BIRC6: variants seen among roughly 807,000 people sequenced by gnomAD.
The protein encoded by BIRC6 is dual E2 ubiquitin-conjugating enzyme/E3 ubiquitin-protein ligase BIRC6.
A neutral mutation model predicts 503.3 loss-of-function variants in BIRC6; 98 were observed. That is an observed-to-expected ratio of 0.19 (90% CI 0.17 to 0.23). The LOEUF is 0.23. BIRC6 is among the 10% of genes least tolerant of loss of function. The pLI is 1.00. For synonymous variants in BIRC6, 2,240 were observed against 2,078.7 expected, an observed-to-expected ratio of 1.08 and a Z score of -2.11; for missense variants, 5,360 against 5,806.0, an observed-to-expected ratio of 0.92 and a Z score of 2.50.
chr2:32,584,929 C>T (rs1288344601), intron 66 of BIRC6, among the ~76,000 whole-genome samples: 1 of 152,176 alleles, frequency 6.6e-6, no homozygotes, highest in East Asian at 1.9e-4. Flanking sequence ...AATATTCAAT[C>T]GCTTTGTGAT....
chr2:32,502,778 C>G lies in BIRC6; in HGVS notation c.9208-17C>G. 6.4e-7 allele frequency: 1 copy of G among 1,569,094 alleles called. No homozygotes were observed. The highest frequency in any genetic ancestry group is 8.7e-7 in the Non-Finnish European group (1 of 1,144,364). On this transcript the variant is annotated splice_polypyrimidine_tract_variant and intron_variant, in intron 47 of 73. Coordinates refer to ENST00000421745, the MANE Select transcript of BIRC6 (RefSeq NM_016252.4). ...CAGGAATATATAAAGTCATAATATGCATATTTCATTTTTTAGGGCTCTCTT... is the reference window on the plus strand; with the variant it reads ...CAGGAATATATAAAGTCATAATATGGATATTTCATTTTTTAGGGCTCTCTT...
intron 3 of BIRC6, among the ~76,000 whole-genome samples, chr2:32,381,795 C>T (rs966578624): frequency 2.6e-5 from 4 of 152,034 alleles, no homozygotes; most frequent in African/African-American, 4.8e-5. Flanking sequence ...TCACCCATCT[C>T]GGCCTCCCAA....
chr2:32,599,406 T>C (rs2061898828), intron 69 of BIRC6, among the ~76,000 whole-genome samples: 1 of 151,618 alleles, frequency 6.6e-6, no homozygotes, highest in African/African-American at 2.4e-5. Context: ...TAGGGAGGCC[T>C]ATGCAAGCGG....
At chr2:32,576,269 GCT>G (rs1442685881) in intron 66 of BIRC6, among the ~76,000 whole-genome samples, 1 of 152,160 alleles carries the variant, frequency 6.6e-6, no homozygotes, top group Non-Finnish European at 1.5e-5. Flanking sequence ...AAGTCTTAAT[GCT>G]TATCTTTAAG....
Position 32,531,586 on chromosome 2 carries a change from C to T in BIRC6, c.12291+35C>T, listed in dbSNP as rs2056757691. 2.6e-6 allele frequency: 4 copies of T among 1,509,816 alleles called. No individual in the cohort carries two copies. In the East Asian group the frequency reaches 9.2e-5, roughly 35 times the overall value. The allele number at this position is 1,509,816 out of a possible 1,614,324, so 93.5% of individuals were successfully genotyped here. A position where few individuals can be genotyped will look rare whatever the true frequency, so the allele number is the denominator to read the frequency against. On this transcript the variant is annotated intron_variant, in intron 61 of 73. Coordinates refer to ENST00000421745, the MANE Select transcript of BIRC6 (RefSeq NM_016252.4). ...GATTTCCTAATCGAGTATATCATTC[C>T]ATAGCTAAGCCCTTCATTCTTTTTA...
intron 1 of BIRC6, among the ~76,000 whole-genome samples, chr2:32,374,604 C>G (rs2036465449): frequency 6.6e-6 from 1 of 151,868 alleles, no homozygotes; most frequent in South Asian, 2.1e-4. Context: ...TCCCGAGTAG[C>G]TGGGACTACA....
At chr2:32,374,496 G>A (rs984572708) in intron 1 of BIRC6, among the ~76,000 whole-genome samples, 6 of 146,776 alleles carry the variant, frequency 4.1e-5, no homozygotes, top group African/African-American at 1.3e-4. Flanking sequence ...TTTTTGTGAC[G>A]GAGTCTCACT....
At chr2:32,359,887 A>G (rs2033770979) in intron 1 of BIRC6, among the ~76,000 whole-genome samples, 2 of 152,134 alleles carry the variant, frequency 1.3e-5, no homozygotes, top group Non-Finnish European at 2.9e-5. Flanking sequence ...GTTATTAATA[A>G]TAATTATCAG....
At chr2:32,450,606 T>C (rs914660032) in intron 22 of BIRC6, among the ~76,000 whole-genome samples, 3 of 152,212 alleles carry the variant, frequency 2.0e-5, no homozygotes, top group East Asian at 3.9e-4. Context: ...ATGATACTTA[T>C]ATCTTTCTTA....
chr2:32,369,811 A>G (rs1380536575), intron 1 of BIRC6, among the ~76,000 whole-genome samples: 1 of 149,840 alleles, frequency 6.7e-6, no homozygotes, highest in Non-Finnish European at 1.5e-5. Flanking sequence ...AACTATAGCC[A>G]GTTTAGCCAG....
intron 1 of BIRC6, among the ~76,000 whole-genome samples, chr2:32,362,971 C>T (rs930830387): frequency 6.6e-6 from 1 of 152,152 alleles, no homozygotes; most frequent in Non-Finnish European, 1.5e-5. Context: ...AAAGTGTTTG[C>T]AGCAGTGTAC....
rs1408842663 is a variant in BIRC6, at chr2:32,390,068, C to G, written c.839+1125C>G. ...AGAGACAGTGTTTCTCTGTGTTGGT[C>G]AGGCTGGTGTCGAACTCCCTACCTC... On this transcript the variant is annotated intron_variant, in intron 4 of 73. Coordinates refer to ENST00000421745, the MANE Select transcript of BIRC6 (RefSeq NM_016252.4). Among the ~76,000 whole-genome samples the G allele has an allele frequency of 2.0e-5, 3 of 152,286 alleles. No individual in the cohort carries two copies. The East Asian group carries it at 5.8e-4, about 29-fold the overall frequency.
chr2:32,398,505 A>G (rs181347048), intron 6 of BIRC6, among the ~76,000 whole-genome samples: 41 of 152,322 alleles, frequency 2.7e-4, no homozygotes, highest in African/African-American at 7.9e-4. Context: ...AGTGACACCA[A>G]TTGTTTAACA....
intron 73 of BIRC6, among the ~76,000 whole-genome samples, chr2:32,612,628 G>A (rs1291972760): frequency 6.6e-6 from 1 of 152,262 alleles, no homozygotes; most frequent in Middle Eastern, 3.4e-3. Flanking sequence ...AAATATTTGT[G>A]AATGACAAAG....
intron 6 of BIRC6, among the ~76,000 whole-genome samples, chr2:32,397,610 ATGTGTG>A (rs1203763934): frequency 2.8e-4 from 36 of 127,138 alleles, no homozygotes; most frequent in Admixed American, 1.1e-3. Context: ...GTGTGTATAT[ATGTGTG>A]TATATATATA....
At chr2:32,535,099 G>A (rs968674094) in intron 61 of BIRC6, among the ~76,000 whole-genome samples, 1 of 143,388 alleles carries the variant, frequency 7.0e-6, no homozygotes, top group African/African-American at 2.6e-5. Context: ...TTGAGCCCAC[G>A]GGTTCCAGAC....
chr2:32,395,448 T>C, intron 5 of BIRC6, 63 bp from the exon 6 acceptor site: 7 of 1,278,258 alleles, frequency 5.5e-6, no homozygotes, highest in Non-Finnish European at 7.7e-6. Flanking sequence ...AAAATAACTT[T>C]TATTATAAAG....
chr2:32,481,342 G>A lies in BIRC6; in HGVS notation c.7431G>A (p.Leu2477=). 6.2e-7 allele frequency: 1 copy of A among 1,606,920 alleles called. No homozygotes were observed. Among genetic ancestry groups the A allele is most frequent in the Non-Finnish European group, 8.5e-7 (1 of 1,176,238 alleles). The change falls in exon 38 of 74, where the codon TTG becomes TTA. Residue 2477 remains leucine, a synonymous_variant. Transcript: ENST00000421745. Reference sequence around the variant, plus strand: ...AAGGTGCACCTCCTCTGTCCTCTTTGGAAAAAGATAAAGAAATTGACCTTG... The same window carrying A: ...AAGGTGCACCTCCTCTGTCCTCTTTAGAAAAAGATAAAGAAATTGACCTTG... ...DITGAPPLSS[L]EKDKEIDLEL...
chr2:32,518,212 A>G, intron 55 of BIRC6, 42 bp from the exon 56 acceptor site: 2 of 1,562,280 alleles, frequency 1.3e-6, no homozygotes. Context: ...AAAGCTGCAT[A>G]TAAATCTTGC....
Sources: allele counts gnomAD v4.1 joint callset (sites outside exome capture counted in the v4.1 genomes callset), GRCh38; gene constraint gnomAD v4.1.1; transcripts MANE v1.5; gene names NCBI Gene and HGNC (gene_info 2026-07-23, HGNC 2026-07-21).